PHACTR4: variants seen among roughly 807,000 people sequenced by gnomAD.
PHACTR4 encodes protein phosphatase 1, regulatory subunit 124.
A neutral mutation model predicts 72.7 loss-of-function variants in PHACTR4; 51 were observed. The ratio of observed to expected loss-of-function variants is 0.70; its 90% CI spans 0.56 to 0.89. The LOEUF (loss-of-function observed/expected upper bound fraction) is 0.89. Among genes scored for constraint, PHACTR4 ranks in the 40% least tolerant of loss-of-function variants. The pLI, the probability that PHACTR4 is intolerant of heterozygous loss-of-function variation, is 0.00. For missense variants in PHACTR4, 731 were observed against 861.8 expected (o/e 0.85, Z 1.90); for synonymous variants, 255 against 302.5 (o/e 0.84, Z 1.63).
chr1:28,487,723 T>C (rs1660769334), intron 9 of PHACTR4, among the ~76,000 whole-genome samples: 1 of 111,894 alleles, frequency 8.9e-6, no homozygotes, highest in Non-Finnish European at 1.8e-5. Flanking sequence ...TGTAGTTTTT[T>C]GTTGTTTTTT....
chr1:28,429,913 G>A (rs796174430), intron 2 of PHACTR4, among the ~76,000 whole-genome samples: 23 of 152,202 alleles, frequency 1.5e-4, no homozygotes, highest in African/African-American at 5.5e-4. Flanking sequence ...TTTTTTGGTG[G>A]TGTGTCCAGA....
At chr1:28,451,565 C>T (rs1426793934) in intron 2 of PHACTR4, among the ~76,000 whole-genome samples, 1 of 151,960 alleles carries the variant, frequency 6.6e-6, no homozygotes, top group Non-Finnish European at 1.5e-5. Flanking sequence ...CATCACTGTG[C>T]CCTGCCCAGT....
intron 2 of PHACTR4, among the ~76,000 whole-genome samples, chr1:28,448,693 T>C (rs112103330): frequency 0.4 from 47,130 of 116,654 alleles, 9,832 homozygotes; most frequent in African/African-American, 0.61. Flanking sequence ...ACCCGGGAGG[T>C]GGAGCTTGCA....
At chr1:28,487,727 G>GTT (rs780028378) in intron 9 of PHACTR4, among the ~76,000 whole-genome samples, 1,203 of 63,232 alleles carry the variant, frequency 0.019, 194 homozygotes, top group African/African-American at 0.046. Context: ...GTTTTTTGTT[G>GTT]TTTTTTTTTT....
At chr1:28,450,974 C>T (rs1250368813) in intron 2 of PHACTR4, among the ~76,000 whole-genome samples, 40 of 72,050 alleles carry the variant, frequency 5.6e-4, no homozygotes, top group Admixed American at 1.1e-3. Flanking sequence ...CCACACCCAG[C>T]TTTTTTTTTT....
intron 7 of PHACTR4, among the ~76,000 whole-genome samples, chr1:28,475,206 C>T (rs1270824894): frequency 6.6e-6 from 1 of 152,074 alleles, no homozygotes; most frequent in African/African-American, 2.4e-5. Flanking sequence ...CTGCCTCAAC[C>T]TCCCAGAATG....
chr1:28,398,825 GA>G (rs1320655193), intron 1 of PHACTR4, among the ~76,000 whole-genome samples: 16 of 148,828 alleles, frequency 1.1e-4, no homozygotes, highest in East Asian at 1.0e-3. Context: ...TCTCAAAAAA[GA>G]AAAAAAAATT....
At chr1:28,400,752 G>A (rs1404794085) in intron 1 of PHACTR4, among the ~76,000 whole-genome samples, 1 of 151,946 alleles carries the variant, frequency 6.6e-6, no homozygotes, top group South Asian at 2.1e-4. Flanking sequence ...GCTAATTTTT[G>A]TAGTTTTAGT....
chr1:28,483,104 T>C (rs901848486), intron 9 of PHACTR4, among the ~76,000 whole-genome samples: 2 of 151,910 alleles, frequency 1.3e-5, no homozygotes. Context: ...GTCTGACTAC[T>C]TTGAAATTAA....
chr1:28,480,981 C>G (rs541708221), intron 9 of PHACTR4, among the ~76,000 whole-genome samples: 20 of 152,082 alleles, frequency 1.3e-4, no homozygotes, highest in African/African-American at 4.6e-4. Flanking sequence ...AGCCCCTATA[C>G]CTAGTCTATA....
chr1:28,420,143 A>C (rs1655417064), intron 2 of PHACTR4, among the ~76,000 whole-genome samples: 1 of 152,098 alleles, frequency 6.6e-6, no homozygotes, highest in Non-Finnish European at 1.5e-5. Context: ...GGTCCCAGCC[A>C]CTCAGGAGGC....
At chr1:28,475,522 A>G (rs1477920017) in intron 7 of PHACTR4, among the ~76,000 whole-genome samples, 1 of 152,050 alleles carries the variant, frequency 6.6e-6, no homozygotes, top group East Asian at 1.9e-4. Flanking sequence ...TGGGAATAAT[A>G]TTTACTCTGT....
chr1:28,446,736 G>T (rs185791882), intron 2 of PHACTR4, among the ~76,000 whole-genome samples: 3 of 152,030 alleles, frequency 2.0e-5, no homozygotes, highest in Non-Finnish European at 1.5e-5. Context: ...CCAGGATTGC[G>T]CCACTGTACT....
Position 28,496,801 on chromosome 1 carries a change from T to C in PHACTR4, c.*252T>C. 1 of 559,080 alleles carries C rather than the reference T, an allele frequency of 1.8e-6. No homozygotes were observed. The highest frequency in any genetic ancestry group is 2.1e-5 in the South Asian group (1 of 47,544). The allele number at this position is 559,080 out of a possible 1,614,324, so 34.6% of individuals were successfully genotyped here. ...TAGCATGCTTGAGGAGTTTTTCCCT[T>C]ACTGGCCACCAAAGTTCTGAACCAC... is the stretch of plus-strand genomic sequence containing the variant. On this transcript the variant is annotated 3_prime_UTR_variant, in exon 14 of 14. Coordinates refer to ENST00000373839, the MANE Select transcript of PHACTR4 (RefSeq NM_001048183.3).
At chr1:28,457,093 T>C (rs562172680) in intron 2 of PHACTR4, among the ~76,000 whole-genome samples, 1 of 152,296 alleles carries the variant, frequency 6.6e-6, no homozygotes, top group South Asian at 2.1e-4. Context: ...CTATTTTGCC[T>C]AAGTCTTCTG....
intron 2 of PHACTR4, among the ~76,000 whole-genome samples, chr1:28,441,229 AT>A (rs970329040): frequency 2.7e-5 from 4 of 149,116 alleles, no homozygotes; most frequent in Admixed American, 1.3e-4. Context: ...ATTTAATTTT[AT>A]TTTTTTTTTA....
intron 1 of PHACTR4, among the ~76,000 whole-genome samples, chr1:28,402,042 T>C (rs1173295099): frequency 6.6e-6 from 1 of 152,118 alleles, no homozygotes; most frequent in Non-Finnish European, 1.5e-5. Context: ...GAGAAGTGGT[T>C]AAATTATGGA....
At chr1:28,409,159 G>GT (rs1487651580) in intron 2 of PHACTR4, among the ~76,000 whole-genome samples, 2 of 131,350 alleles carry the variant, frequency 1.5e-5, no homozygotes, top group African/African-American at 5.9e-5. Flanking sequence ...GGATATCACT[G>GT]TGTTGCCCAG....
At chr1:28,490,515 A>G (rs1434770026) in intron 10 of PHACTR4, among the ~76,000 whole-genome samples, 2 of 151,198 alleles carry the variant, frequency 1.3e-5, no homozygotes, top group Non-Finnish European at 2.9e-5. Context: ...ATGGGCGACA[A>G]AGCAAGACTC....
Sources: gnomAD v4.1 joint callset for allele counts (sites outside exome capture counted in the v4.1 genomes callset) on GRCh38, gnomAD v4.1.1 for gene constraint, MANE v1.5 for transcripts, NCBI Gene and HGNC (gene_info 2026-07-23, HGNC 2026-07-21) for gene names.